Variants in ADAT1 observed in about 807,000 individuals in gnomAD.
ADAT1 encodes tRNA-specific adenosine deaminase 1.
In ADAT1, 58 loss-of-function variants were observed where a neutral mutation model predicts 58.6. The observed-to-expected ratio is 0.99, with a 90% confidence interval of 0.80 to 1.23. The LOEUF is 1.23. Among genes scored for constraint, ADAT1 ranks in the 50% most tolerant of loss-of-function variants. ADAT1 has a pLI of 0.00. For synonymous variants in ADAT1, 254 were observed against 220.8 expected (o/e 1.15, Z -1.33); for missense variants, 741 against 608.6 (o/e 1.22, Z -2.29).
At chr16:75,603,825 T>C (rs1243965225) in intron 8 of ADAT1, among the ~76,000 whole-genome samples, 1 of 152,190 alleles carries the variant, frequency 6.6e-6, no homozygotes, top group African/African-American at 2.4e-5. Context: ...ACCAACAATG[T>C]GCAGTCTCAC....
At chr16:75,614,552 T>C (rs1457993366) in intron 5 of ADAT1, among the ~76,000 whole-genome samples, 2 of 152,206 alleles carry the variant, frequency 1.3e-5, no homozygotes, top group African/African-American at 4.8e-5. Flanking sequence ...GGAATACATC[T>C]GGAGAGGTTG....
chr16:75,608,127 G>C, intron 8 of ADAT1, 97 bp downstream of exon 8: 1 of 1,036,170 alleles, frequency 9.7e-7, no homozygotes, highest in Non-Finnish European at 1.5e-6. Context: ...TAATGGGTAT[G>C]GTTGTTCTTT....
chr16:75,609,491 G>T (rs1407015749), intron 6 of ADAT1, among the ~76,000 whole-genome samples: 25 of 151,924 alleles, frequency 1.6e-4, no homozygotes. Context: ...AGTGCCTAGG[G>T]TTGGCTTTTT....
chr16:75,623,077 G>C lies in ADAT1; in HGVS notation c.-696C>G, dbSNP rs1235773125. Reference sequence around the variant, plus strand: ...GCCCCGCGCCAGGAGCTCTTCAGGCGCCGGCTGCTGACAGTTCCAGGCGTG... The same window carrying C: ...GCCCCGCGCCAGGAGCTCTTCAGGCCCCGGCTGCTGACAGTTCCAGGCGTG... On this transcript the variant is annotated 5_prime_UTR_variant, in exon 1 of 10. Transcript: ENST00000564657. 6.8e-6 allele frequency: 1 copy of C among 147,030 alleles called. No homozygotes were observed. The highest frequency in any genetic ancestry group is 2.1e-4 in the East Asian group (1 of 4,728). 9.1% of individuals were successfully genotyped at this position (147,030 alleles called of 1,614,324 possible).
intron 9 of ADAT1, among the ~76,000 whole-genome samples, chr16:75,602,613 A>G (rs954534207): frequency 7.9e-5 from 12 of 151,814 alleles, no homozygotes; most frequent in African/African-American, 2.9e-4. Context: ...GTGAAACTTC[A>G]CCTAAATCTA....
chr16:75,608,583 T>G (rs2081432031), intron 7 of ADAT1: 1 of 583,040 alleles, frequency 1.7e-6, no homozygotes, highest in Non-Finnish European at 3.0e-6. Context: ...ACAGAATTTC[T>G]CACTGAATCT....
chr16:75,612,947 G>A, intron 5 of ADAT1, 86 bp from the exon 6 acceptor site: 2 of 1,497,710 alleles, frequency 1.3e-6, no homozygotes, highest in Non-Finnish European at 1.8e-6. Context: ...GAATTCATCA[G>A]AAATGCAAAC....
At chr16:75,603,047 C>A in intron 9 of ADAT1, 38 bp downstream of exon 9, 2 of 1,577,610 alleles carry the variant, frequency 1.3e-6, no homozygotes, top group Non-Finnish European at 1.7e-6. Flanking sequence ...AAACAGTTGT[C>A]TACCTAAATA....
At position 75,598,907 on chromosome 16, in the gene ADAT1, T is replaced by C. The variant is rs1000841682; in HGVS notation, c.*1309A>G. 2 of 984,870 alleles carry C rather than the reference T, an allele frequency of 2.0e-6. No individual in the cohort carries two copies. Among genetic ancestry groups the C allele is most frequent in the African/African-American group, 1.7e-5 (1 of 57,186 alleles). The allele number at this position is 984,870 out of a possible 1,614,324, so 61.0% of individuals were successfully genotyped here. On this transcript the variant is annotated 3_prime_UTR_variant, in exon 10 of 10. Coordinates refer to ENST00000564657, the MANE Select transcript of ADAT1 (RefSeq NM_001324445.2). ...TACAACTGTTATTTAAAAATATTTA[T>C]AGCCACAAAATGCTGAAGAACCAAT...
At chr16:75,615,477 AGCT>A (rs2081673288) in intron 5 of ADAT1, among the ~76,000 whole-genome samples, 1 of 102,730 alleles carries the variant, frequency 9.7e-6, no homozygotes, top group South Asian at 4.7e-4. Flanking sequence ...ATAGTTGATG[AGCT>A]AAAAAAAAAA....
chr16:75,617,482 A>G (rs1211741723), intron 4 of ADAT1, among the ~76,000 whole-genome samples: 1 of 151,998 alleles, frequency 6.6e-6, no homozygotes, highest in African/African-American at 2.4e-5. Flanking sequence ...TAGACCTCCA[A>G]TTTCAACTGG....
intron 6 of ADAT1, among the ~76,000 whole-genome samples, chr16:75,611,282 CTCTTA>C (rs1195486874): frequency 2.0e-5 from 3 of 152,126 alleles, no homozygotes; most frequent in Non-Finnish European, 4.4e-5. Context: ...AGCGCTCATC[CTCTTA>C]TAATTTTTCT....
In ADAT1 at chr16:75,598,518, A is replaced by ATT. The variant is rs567204868; in HGVS notation, c.*1696_*1697dup. Among the ~76,000 whole-genome samples, 42 of 139,218 alleles carry ATT rather than the reference A, an allele frequency of 3.0e-4. No individual in the cohort carries two copies. Among genetic ancestry groups the ATT allele is most frequent in the Middle Eastern group, 7.8e-3 (2 of 258 alleles). The allele number at this position is 139,218 out of a possible 152,430, so 91.3% of individuals were successfully genotyped here. ...ACAACTCTGTGGATATACTAAAAAA[A>ATT]TTTTTTTTTTTTTTTTTTGAGACAG... On this transcript the variant is annotated 3_prime_UTR_variant, in exon 10 of 10. Transcript: ENST00000564657.
chr16:75,617,698 C>T (rs2081779856), intron 4 of ADAT1, among the ~76,000 whole-genome samples: 1 of 151,170 alleles, frequency 6.6e-6, no homozygotes, highest in Non-Finnish European at 1.5e-5. Flanking sequence ...GAGGTTCCAC[C>T]CTAGATATGC....
In ADAT1 at chr16:75,612,301, C is replaced by T; in HGVS notation, c.985G>A (p.Val329Met). 1 of 1,614,188 alleles carries T rather than the reference C, an allele frequency of 6.2e-7. No individual in the cohort carries two copies. The highest frequency in any genetic ancestry group is 1.1e-5 in the South Asian group (1 of 91,086). ...LLEEPIYLSA[V>M]VIGKCPYSQE... ...CTGTATGGGCACTTCCCAATGACCA[C>T]AGCTGACAGGTAGATGGGCTCTTCC... The change falls in exon 6 of 10, where the codon GTG becomes ATG. Residue 329 changes from valine to methionine, a missense_variant. Transcript: ENST00000564657.
chr16:75,613,738 TAAAG>T (rs1323939510), intron 5 of ADAT1, among the ~76,000 whole-genome samples: 1 of 152,132 alleles, frequency 6.6e-6, no homozygotes, highest in Admixed American at 6.5e-5. Flanking sequence ...AGTATGAAAA[TAAAG>T]AATGTCTCCA....
rs1173238819 is a variant in ADAT1, at chr16:75,599,055, CT to C, written c.*1160del. 1.1e-6 allele frequency: 1 copy of C among 946,144 alleles called. No homozygotes were observed. Among genetic ancestry groups the C allele is most frequent in the Non-Finnish European group, 1.3e-6 (1 of 798,900 alleles). The allele number at this position is 946,144 out of a possible 1,614,324, so 58.6% of individuals were successfully genotyped here. A position where few individuals can be genotyped will look rare whatever the true frequency, so the allele number is the denominator to read the frequency against. On this transcript the variant is annotated 3_prime_UTR_variant, in exon 10 of 10. Coordinates refer to ENST00000564657, the MANE Select transcript of ADAT1 (RefSeq NM_001324445.2). The stretch of plus-strand genomic sequence containing the variant: ...GGCTGCTGGGTCTATTGCTGATTTG[CT>C]GCAGGGCCTTTTGGCTTCTTTTTTT...
Position 75,608,874 on chromosome 16 carries a change from A to G in ADAT1, c.1158T>C (p.Asp386=), listed in dbSNP as rs74027441. 0.025 allele frequency: 40,381 copies of G among 1,614,118 alleles called. 1,137 individuals carry two copies. The highest frequency in any genetic ancestry group is 0.13 in the African/African-American group (9,603 of 75,030). ...CACAAGGAACAAGTCGACCTGGGCT[A>G]TCAGCCCTTTTTGCCTGCACCGCAC... ...SRSAVQAKRA[D]SPGRLVPCGA... Residue 386 remains aspartate, a synonymous_variant, in exon 7 of 10, where the codon GAT becomes GAC. Coordinates refer to ENST00000564657, the MANE Select transcript of ADAT1 (RefSeq NM_001324445.2).
At chr16:75,609,079 TAGC>T in intron 6 of ADAT1, 91 bp from the exon 7 acceptor site, 1 of 1,443,170 alleles carries the variant, frequency 6.9e-7, no homozygotes, top group South Asian at 1.2e-5. Context: ...CCCTGAGCCT[TAGC>T]AGGTGTGGGG....
Sources: gnomAD v4.1 joint callset for allele counts (sites outside exome capture counted in the v4.1 genomes callset) on GRCh38, gnomAD v4.1.1 for gene constraint, MANE v1.5 for transcripts, NCBI Gene and HGNC (gene_info 2026-07-23, HGNC 2026-07-21) for gene names.